The following LITAF variants were observed in gnomAD, a reference collection of about 807,000 sequenced individuals.
LITAF encodes lipopolysaccharide induced TNF factor.
A neutral mutation model predicts 14.5 loss-of-function variants in LITAF; 9 were observed. The observed-to-expected ratio is 0.62, with a 90% CI of 0.37 to 1.08. The LOEUF is 1.08. Among genes scored for constraint, LITAF ranks in the 50% least tolerant of loss-of-function variants. The probability of loss-of-function intolerance (pLI) is 0.01; values close to 1 mark genes in which losing one functional copy is unlikely to be tolerated. For synonymous variants in LITAF, 98 were observed against 88.2 expected, an observed-to-expected ratio of 1.11 and a Z score of -0.62; for missense variants, 206 against 213.4, an observed-to-expected ratio of 0.97 and a Z score of 0.22.
rs2064813614 is a variant in LITAF at position 11,586,846 on chromosome 16, C to A, written c.-6+40G>T. On this transcript the variant is annotated intron_variant, in intron 1 of 3. Transcript: ENST00000622633. The surrounding 1 kb of genome is among the most constrained non-coding windows in gnomAD (Gnocchi z 6.5). ...GCGCCACCGGCCCCCCGCTGTCTCC[C>A]GCTGGTCCCCGCGCCCCGGCGTCCC... 3 of 152,196 alleles carry A rather than the reference C, an allele frequency of 2.0e-5. No individual in the cohort carries two copies. Among genetic ancestry groups the A allele is most frequent in the South Asian group, 1.8e-4 (1 of 5,490 alleles). 9.4% of individuals were successfully genotyped at this position (152,196 alleles called of 1,614,324 possible).
At position 11,547,786 on chromosome 16, in the gene LITAF, G is replaced by T. The variant is rs1356167946; in HGVS notation, c.*1851C>A. On this transcript the variant is annotated 3_prime_UTR_variant, in exon 4 of 4. Transcript: ENST00000622633. ...CTTGCCGCCATCAATGACGCCTATT[G>T]GGTTCCAATAGCCTCATGTTCAAAT... is the stretch of plus-strand genomic sequence containing the variant. 2.2e-6 allele frequency: 1 copy of T among 454,070 alleles called. No individual in the cohort carries two copies. Among genetic ancestry groups the T allele is most frequent in the Non-Finnish European group, 4.4e-6 (1 of 226,794 alleles). 28.1% of individuals were successfully genotyped at this position (454,070 alleles called of 1,614,324 possible).
rs536812789 is a variant in LITAF, at chr16:11,634,145, T to G, written c.-20-508A>C. 5.3e-5 allele frequency among the ~76,000 whole-genome samples: 8 copies of G among 152,260 alleles called. No homozygotes were observed. The highest frequency in any genetic ancestry group is 1.7e-4 in the African/African-American group (7 of 41,538). On this transcript the variant is annotated intron_variant, in intron 2 of 3. Transcript: ENST00000574848. The surrounding 1 kb of genome is among the most constrained non-coding windows in gnomAD (Gnocchi z 4.1). Reference sequence around the variant, plus strand: ...ACTCATATGGGCACTTATACACACATGCACACAGGTGAGACCATCTTTGCA... The same window carrying G: ...ACTCATATGGGCACTTATACACACAGGCACACAGGTGAGACCATCTTTGCA...
intron 3 of LITAF, among the ~76,000 whole-genome samples, chr16:11,626,674 G>A (rs2065085922): frequency 6.6e-6 from 1 of 151,108 alleles, no homozygotes; most frequent in African/African-American, 2.4e-5. Context: ...GTTTTACCAT[G>A]TTGGCCAGGC....
intron 1 of LITAF, among the ~76,000 whole-genome samples, chr16:11,593,556 A>G (rs1242857084): frequency 6.6e-6 from 1 of 152,196 alleles, no homozygotes; most frequent in Non-Finnish European, 1.5e-5. Context: ...CACTATTCCC[A>G]ATAGTTAAAA....
upstream of LITAF, among the ~76,000 whole-genome samples, chr16:11,589,391 C>T (rs1312485591): frequency 6.6e-6 from 1 of 152,180 alleles, no homozygotes; most frequent in South Asian, 2.1e-4. Context: ...CCAAAGTGCC[C>T]ACTCTGGCCA....
chr16:11,622,964 AT>A (rs1350677931), intron 3 of LITAF, among the ~76,000 whole-genome samples: 3 of 149,394 alleles, frequency 2.0e-5, no homozygotes, highest in Non-Finnish European at 4.4e-5. Flanking sequence ...ATATATATAT[AT>A]ATATATAATT....
intron 1 of LITAF, among the ~76,000 whole-genome samples, chr16:11,596,255 C>T (rs11648859): frequency 0.085 from 12,883 of 152,024 alleles, 733 homozygotes; most frequent in Middle Eastern, 0.13. Context: ...GAGTGAGGCC[C>T]GGGTTACCTG....
chr16:11,612,544 G>A (rs1268304857), intron 3 of LITAF, among the ~76,000 whole-genome samples: 3 of 152,208 alleles, frequency 2.0e-5, no homozygotes, highest in South Asian at 4.1e-4. Flanking sequence ...CACTGCATGC[G>A]GCCAGCGGGC....
intron 1 of LITAF, among the ~76,000 whole-genome samples, chr16:11,563,786 G>A (rs2064409877): frequency 6.6e-6 from 1 of 152,070 alleles, no homozygotes. Flanking sequence ...AGAGAGCTCA[G>A]AATTTCCCTG....
chr16:11,551,638 T>C lies in LITAF; in HGVS notation c.378-1893A>G, dbSNP rs560753753. 1.5e-3 allele frequency: 836 copies of C among 567,182 alleles called. 2 individuals are homozygous for C. Among genetic ancestry groups the C allele is most frequent in the Non-Finnish European group, 2.4e-3 (765 of 319,844 alleles). The allele number at this position is 567,182 out of a possible 1,614,324, so 35.1% of individuals were successfully genotyped here. ...GAGTTCAAGACCAGCCTGGGCAACATAGTAAAACCCCTGCTTCCACACACA... is the reference window on the plus strand; with the variant it reads ...GAGTTCAAGACCAGCCTGGGCAACACAGTAAAACCCCTGCTTCCACACACA... On this transcript the variant is annotated intron_variant, in intron 3 of 3. Transcript: ENST00000622633.
chr16:11,549,611 C>T lies in LITAF; in HGVS notation c.*26G>A, dbSNP rs1486289266. The T allele has an allele frequency of 1.2e-5, 18 of 1,564,938 alleles. No individual in the cohort carries two copies. The highest frequency in any genetic ancestry group is 1.7e-4 in the Middle Eastern group (1 of 5,982). The stretch of plus-strand genomic sequence containing the variant: ...GGTGGAAAGGACTTCCTGCGGCACC[C>T]GGCTCCCTCCACGTCTGGCTGAGTC... On this transcript the variant is annotated 3_prime_UTR_variant, in exon 4 of 4. Transcript: ENST00000622633. This position sits in a 1 kb window ranked among gnomAD's most constrained non-coding sequence, Gnocchi z 4.6.
In LITAF at chr16:11,634,181, CAG is replaced by C. The variant is rs1389607725; in HGVS notation, c.-20-546_-20-545del. On this transcript the variant is annotated intron_variant, in intron 2 of 3. Coordinates refer to the LITAF transcript ENST00000574848. This position sits in a 1 kb window ranked among gnomAD's most constrained non-coding sequence, Gnocchi z 4.1. ...GAGACCATCTTTGCAAAAATTATAA[CAG>C]AAAATTGTGACAGTGAAGGAGACCT... is the stretch of plus-strand genomic sequence containing the variant. Among the ~76,000 whole-genome samples the C allele has an allele frequency of 5.9e-5, 9 of 152,188 alleles. No individual in the cohort carries two copies. Among genetic ancestry groups the C allele is most frequent in the African/African-American group, 1.9e-4 (8 of 41,448 alleles).
intron 1 of LITAF, among the ~76,000 whole-genome samples, chr16:11,584,919 A>C (rs1251929250): frequency 6.6e-6 from 1 of 152,206 alleles, no homozygotes; most frequent in African/African-American, 2.4e-5. Flanking sequence ...TAGAGACTTA[A>C]GAAATGGGCC....
intron 3 of LITAF, among the ~76,000 whole-genome samples, chr16:11,624,725 G>A (rs752886690): frequency 2.4e-4 from 37 of 152,182 alleles, no homozygotes; most frequent in Admixed American, 3.3e-4. Flanking sequence ...AAGTGTGATC[G>A]ACTGAAAATG....
intron 1 of LITAF, among the ~76,000 whole-genome samples, chr16:11,573,938 G>C (rs2064587661): frequency 2.0e-5 from 3 of 151,886 alleles, no homozygotes; most frequent in Non-Finnish European, 4.4e-5. Context: ...CTGACCTCAA[G>C]TGATCCTCCC....
upstream of LITAF, among the ~76,000 whole-genome samples, chr16:11,601,758 C>A (rs969152811): frequency 2.1e-4 from 32 of 152,102 alleles, no homozygotes; most frequent in Non-Finnish European, 4.4e-5. Flanking sequence ...CGGGGTTTTA[C>A]CATGTTGCCC....
At chr16:11,618,366 A>C (rs1021263157) in intron 3 of LITAF, among the ~76,000 whole-genome samples, 9 of 152,170 alleles carry the variant, frequency 5.9e-5, no homozygotes, top group Admixed American at 5.9e-4. Context: ...TCAGCCAGGC[A>C]GAAGTAGGGG....
At chr16:11,575,829 A>T (rs1004631041) in intron 1 of LITAF, among the ~76,000 whole-genome samples, 5 of 152,090 alleles carry the variant, frequency 3.3e-5, no homozygotes, top group Non-Finnish European at 7.4e-5. Context: ...GCCTCTGTAA[A>T]CATTCCCCCG....
intron 3 of LITAF, among the ~76,000 whole-genome samples, chr16:11,614,135 G>A (rs2065001950): frequency 6.6e-6 from 1 of 152,124 alleles, no homozygotes; most frequent in African/African-American, 2.4e-5. Flanking sequence ...TCCTACGGAT[G>A]CTGTGACAAA....
Sources: gnomAD v4.1 joint callset for allele counts (sites outside exome capture counted in the v4.1 genomes callset) on GRCh38, gnomAD v4.1.1 for gene constraint, Gnocchi (gnomAD v3.1) non-coding constraint, MANE v1.5 for transcripts, NCBI Gene and HGNC (gene_info 2026-07-23, HGNC 2026-07-21) for gene names.